RAI14: variants seen among roughly 807,000 people sequenced by gnomAD.
The protein encoded by RAI14 is ankycorbin.
RAI14 carries 45 observed loss-of-function variants against 115.4 expected under a neutral mutation model. The observed-to-expected ratio is 0.39, with a 90% CI of 0.31 to 0.50. The LOEUF is 0.50. RAI14 is among the 20% of genes least tolerant of loss of function. RAI14 has a pLI of 0.85. For missense variants in RAI14, 939 were observed against 1,131.2 expected (o/e 0.83, Z 2.44); for synonymous variants, 371 against 415.4 (o/e 0.89, Z 1.30).
chr5:34,707,280 A>G (rs1177624614), intron 2 of RAI14, among the ~76,000 whole-genome samples: 1 of 152,228 alleles, frequency 6.6e-6, no homozygotes, highest in Non-Finnish European at 1.5e-5. Flanking sequence ...TAGCCTGGCC[A>G]ACATGGTAAA....
At chr5:34,739,634 C>T (rs1745255443) in intron 2 of RAI14, among the ~76,000 whole-genome samples, 1 of 152,162 alleles carries the variant, frequency 6.6e-6, no homozygotes, top group African/African-American at 2.4e-5. Context: ...GTTTTAGTAG[C>T]AATATTATCT....
At chr5:34,773,573 C>T (rs1448388201) in intron 3 of RAI14, among the ~76,000 whole-genome samples, 1 of 151,948 alleles carries the variant, frequency 6.6e-6, no homozygotes, top group Non-Finnish European at 1.5e-5. Context: ...AATAAATAAT[C>T]CCATTAAAAA....
intron 2 of RAI14, chr5:34,716,289 G>GTACA (rs1216442051): frequency 7.2e-6 from 2 of 276,498 alleles, no homozygotes; most frequent in Non-Finnish European, 1.4e-5. Flanking sequence ...AGTTCCCTTT[G>GTACA]GGCTATTCCC....
At chr5:34,659,532 T>C (rs867202920) in intron 1 of RAI14, among the ~76,000 whole-genome samples, 11 of 152,364 alleles carry the variant, frequency 7.2e-5, no homozygotes, top group South Asian at 6.2e-4. Flanking sequence ...CCTTCCACAG[T>C]GCATGAGCCA....
intron 2 of RAI14, chr5:34,717,005 G>A (rs988655579): frequency 3.3e-5 from 5 of 152,170 alleles, no homozygotes; most frequent in African/African-American, 1.2e-4. Flanking sequence ...CAGGAGAAAT[G>A]TTCTCTCACT....
At chr5:34,741,014 A>T (rs113260630) in intron 2 of RAI14, among the ~76,000 whole-genome samples, 1,879 of 152,270 alleles carry the variant, frequency 0.012, 31 homozygotes, top group African/African-American at 0.043. Context: ...TAGTATTTTG[A>T]TTATTTAAGT....
intron 3 of RAI14, among the ~76,000 whole-genome samples, chr5:34,758,750 A>T (rs1206772223): frequency 6.6e-6 from 1 of 152,218 alleles, no homozygotes; most frequent in Non-Finnish European, 1.5e-5. Context: ...AAACACAGCC[A>T]TACCCATTCA....
chr5:34,816,293 AAAGAT>A (rs763445242), intron 12 of RAI14, among the ~76,000 whole-genome samples: 1 of 152,208 alleles, frequency 6.6e-6, no homozygotes, highest in Non-Finnish European at 1.5e-5. Context: ...AAAAAGAGAC[AAAGAT>A]AAGAACTTAC....
rs565518110 is a variant in RAI14, at chr5:34,710,429, C to T, written c.36+23474C>T. ...GTAGTGAGACTGGCTTGTTCCCTTC[C>T]CATGGCATAGGCTCTCTGTCAGATA... On this transcript the variant is annotated intron_variant, in intron 2 of 17. Transcript: ENST00000265109. 2.6e-5 allele frequency among the ~76,000 whole-genome samples: 4 copies of T among 152,240 alleles called. No homozygotes were observed. In the South Asian group the frequency reaches 6.2e-4, roughly 24 times the overall value.
Position 34,692,847 on chromosome 5 carries a change from A to G in RAI14, c.36+5892A>G, listed in dbSNP as rs373779333. On this transcript the variant is annotated intron_variant, in intron 2 of 17. Transcript: ENST00000265109. Reference sequence around the variant, plus strand: ...GGGTACCACAAACCAGGTGGCTGAAACTAAAGAAATGTATTGTCTCAGAGT... The same window carrying G: ...GGGTACCACAAACCAGGTGGCTGAAGCTAAAGAAATGTATTGTCTCAGAGT... Among the ~76,000 whole-genome samples, 45 of 152,302 alleles carry G rather than the reference A, an allele frequency of 3.0e-4. 1 individual carries two copies. The East Asian group carries it at 4.4e-3, about 15-fold the overall frequency.
intron 2 of RAI14, among the ~76,000 whole-genome samples, chr5:34,734,643 A>G (rs1744630543): frequency 6.6e-6 from 1 of 151,956 alleles, no homozygotes; most frequent in African/African-American, 2.4e-5. Flanking sequence ...TTCCAGCAGT[A>G]TTTGTGCATA....
rs1033461549 is a variant in RAI14 at position 34,757,522 on chromosome 5, G to C, written c.91G>C (p.Asp31His). 1.2e-6 allele frequency: 2 copies of C among 1,613,882 alleles called. No homozygotes were observed. The highest frequency in any genetic ancestry group is 3.3e-5 in the Admixed American group (2 of 60,000). Residue 31 changes from aspartate (D) to histidine (H), a missense_variant, in exon 3 of 18, where the codon GAT becomes CAT. Physicochemically the swap from Asp to His is moderately conservative, Grantham distance 81 (BLOSUM62 -1). Coordinates refer to ENST00000265109, the MANE Select transcript of RAI14 (RefSeq NM_015577.3). The stretch of plus-strand genomic sequence containing the variant: ...GCTACTGCAGGCCGTGGAGAATGGA[G>C]ATGCGGAGAAGGTGGCCTCACTGCT... The part of the protein sequence containing the change: ...DRLLQAVENG[D>H]AEKVASLLGK...
intron 3 of RAI14, among the ~76,000 whole-genome samples, chr5:34,761,395 G>A (rs1748635894): frequency 6.6e-6 from 1 of 152,060 alleles, no homozygotes; most frequent in South Asian, 2.1e-4. Context: ...GTAATGATGG[G>A]GTCTTGCTGT....
intron 3 of RAI14, among the ~76,000 whole-genome samples, chr5:34,760,875 C>T (rs1748559180): frequency 6.6e-6 from 1 of 152,174 alleles, no homozygotes; most frequent in South Asian, 2.1e-4. Flanking sequence ...AAACCCCGAA[C>T]CCATTAGGGA....
At position 34,825,714 on chromosome 5, in the gene RAI14, C is replaced by T. The variant is rs1057251790; in HGVS notation, c.2650-616C>T. Among the ~76,000 whole-genome samples, 4 of 151,630 alleles carry T rather than the reference C, an allele frequency of 2.6e-5. No homozygotes were observed. In the East Asian group the frequency reaches 5.8e-4, roughly 22 times the overall value. On this transcript the variant is annotated intron_variant, in intron 15 of 17. Coordinates refer to ENST00000265109, the MANE Select transcript of RAI14 (RefSeq NM_015577.3). The stretch of plus-strand genomic sequence containing the variant: ...GGGGAAGTTCAGGGGGATGGTTCCA[C>T]GCCTCAATCGGCTCTGCATCTCTAG...
chr5:34,762,474 G>T (rs1231048268), intron 3 of RAI14, among the ~76,000 whole-genome samples: 1 of 152,074 alleles, frequency 6.6e-6, no homozygotes, highest in Non-Finnish European at 1.5e-5. Flanking sequence ...TTTTCTTTCA[G>T]GGAAAGATGA....
At chr5:34,830,660 A>G (rs1757949665) in intron 17 of RAI14, 28 bp from the exon 18 acceptor site, 24 of 1,613,846 alleles carry the variant, frequency 1.5e-5, no homozygotes, top group Non-Finnish European at 1.9e-5. Flanking sequence ...TTAGGTTCTA[A>G]TGAGTATCTT....
At position 34,665,140 on chromosome 5, in the gene RAI14, T is replaced by C. The variant is rs1464203445; in HGVS notation, c.-49+8665T>C. 1.0e-4 allele frequency among the ~76,000 whole-genome samples: 5 copies of C among 47,766 alleles called. 1 individual carries two copies. Among genetic ancestry groups the C allele is most frequent in the African/African-American group, 2.5e-4 (5 of 19,902 alleles). The allele number at this position is 47,766 out of a possible 152,430, so 31.3% of individuals were successfully genotyped here. On this transcript the variant is annotated intron_variant, in intron 1 of 17. Coordinates refer to ENST00000265109, the MANE Select transcript of RAI14 (RefSeq NM_015577.3). Reference sequence around the variant, plus strand: ...GTGTATATATGTATGTGTATATATATACACATATATATGTGTGTGTATATA... The same window carrying C: ...GTGTATATATGTATGTGTATATATACACACATATATATGTGTGTGTATATA...
chr5:34,738,197 G>A (rs1455148010), intron 2 of RAI14, among the ~76,000 whole-genome samples: 1 of 152,148 alleles, frequency 6.6e-6, no homozygotes, highest in African/African-American at 2.4e-5. Flanking sequence ...GCTGAGGCAG[G>A]TGGATTGCTT....
Sources: gnomAD v4.1 joint callset for allele counts (sites outside exome capture counted in the v4.1 genomes callset) on GRCh38, gnomAD v4.1.1 for gene constraint, MANE v1.5 for transcripts, NCBI Gene and HGNC (gene_info 2026-07-23, HGNC 2026-07-21) for gene names.